Variants in KAT6B observed in about 807,000 individuals in gnomAD.
KAT6B encodes lysine acetyltransferase 6B, also known as histone acetyltransferase KAT6B.
KAT6B carries 10 observed loss-of-function variants against 187.5 expected under a neutral mutation model. The ratio of observed to expected loss-of-function variants is 0.05; its 90% CI spans 0.03 to 0.09. The LOEUF (loss-of-function observed/expected upper bound fraction) is 0.09. Among genes scored for constraint, KAT6B ranks in the 10% least tolerant of loss-of-function variants. The pLI is 1.00. For missense variants in KAT6B, 1,952 were observed against 2,558.9 expected (o/e 0.76, Z 5.12); for synonymous variants, 861 against 926.8 (o/e 0.93, Z 1.29).
At chr10:74,993,449 T>C (rs1843234431) in intron 13 of KAT6B, among the ~76,000 whole-genome samples, 1 of 152,216 alleles carries the variant, frequency 6.6e-6, no homozygotes, top group Admixed American at 6.5e-5. Context: ...TGAGAGTAAG[T>C]TGAAGATGTG....
chr10:74,951,191 A>ATGATCTTGGCT (rs1423732416), intron 3 of KAT6B, among the ~76,000 whole-genome samples: 1 of 150,702 alleles, frequency 6.6e-6, no homozygotes, highest in South Asian at 2.1e-4. Context: ...GTGCAGTGGC[A>ATGATCTTGGCT]TGATCTTGGC....
intron 3 of KAT6B, among the ~76,000 whole-genome samples, chr10:74,884,898 C>T (rs1845122045): frequency 6.6e-6 from 1 of 152,042 alleles, no homozygotes; most frequent in South Asian, 2.1e-4. Flanking sequence ...GCATTTGGAG[C>T]AGCGCTATCC....
chr10:74,949,911 C>A (rs1008812560), intron 3 of KAT6B, among the ~76,000 whole-genome samples: 4 of 152,160 alleles, frequency 2.6e-5, no homozygotes, highest in African/African-American at 9.7e-5. Flanking sequence ...GAACCCTCAT[C>A]CTGTGACAAG....
chr10:75,018,503 C>T (rs561349996), intron 13 of KAT6B, among the ~76,000 whole-genome samples: 8 of 152,224 alleles, frequency 5.3e-5, no homozygotes, highest in Non-Finnish European at 7.3e-5. Context: ...TGTGTGTGCA[C>T]CACTTCGGGG....
Position 75,022,126 on chromosome 10 carries a change from G to A in KAT6B, c.3267G>A (p.Glu1089=), listed in dbSNP as rs777744980. 8 of 1,605,286 alleles carry A rather than the reference G, an allele frequency of 5.0e-6. No homozygotes were observed. The highest frequency in any genetic ancestry group is 1.7e-5 in the Admixed American group (1 of 59,532). ...EEEEEEEEEE[E]DEEEEEEEEE... is the part of the protein sequence containing the mutation. Reference sequence around the variant, plus strand: ...AAGAAGAGGAGGAAGAAGAGGAAGAGGATGAAGAGGAGGAAGAAGAGGAAG... The same window carrying A: ...AAGAAGAGGAGGAAGAAGAGGAAGAAGATGAAGAGGAGGAAGAAGAGGAAG... Residue 1089 remains glutamate (E), a synonymous_variant, in exon 16 of 18, where the codon GAG becomes GAA. Transcript: ENST00000287239.
intron 12 of KAT6B, among the ~76,000 whole-genome samples, chr10:74,986,210 ACAATAACTCCTTTG>A (rs1430950765): frequency 6.6e-6 from 1 of 152,210 alleles, no homozygotes; most frequent in Non-Finnish European, 1.5e-5. Flanking sequence ...CTTCTAAGAA[ACAATAACTCCTTTG>A]CAATAAAGGA....
chr10:74,891,222 C>T (rs552171210), intron 3 of KAT6B, among the ~76,000 whole-genome samples: 2 of 152,358 alleles, frequency 1.3e-5, no homozygotes, highest in East Asian at 3.9e-4. Flanking sequence ...ATTGCCAGCT[C>T]GACCTTGATG....
At chr10:74,950,646 T>C (rs971894273) in intron 3 of KAT6B, among the ~76,000 whole-genome samples, 1 of 152,152 alleles carries the variant, frequency 6.6e-6, no homozygotes, top group Non-Finnish European at 1.5e-5. Context: ...AAATAAAGTC[T>C]AGTTCTTTAT....
At chr10:74,956,915 T>C (rs1840728733) in intron 3 of KAT6B, among the ~76,000 whole-genome samples, 1 of 152,172 alleles carries the variant, frequency 6.6e-6, no homozygotes, top group Non-Finnish European at 1.5e-5. Flanking sequence ...GTTGGGAAAA[T>C]GTGATCAACA....
chr10:74,876,078 C>T (rs1008753610), intron 3 of KAT6B, among the ~76,000 whole-genome samples: 2 of 152,124 alleles, frequency 1.3e-5, no homozygotes, highest in Non-Finnish European at 1.5e-5. Flanking sequence ...ATTAGTGGCT[C>T]TATACACAGA....
At chr10:75,008,871 T>G (rs991753611) in intron 13 of KAT6B, among the ~76,000 whole-genome samples, 1 of 152,232 alleles carries the variant, frequency 6.6e-6, no homozygotes, top group South Asian at 2.1e-4. Context: ...TTTCATAAAT[T>G]AAGCATAAAC....
chr10:74,903,189 G>A (rs1007198388), intron 3 of KAT6B, among the ~76,000 whole-genome samples: 5 of 152,090 alleles, frequency 3.3e-5, no homozygotes, highest in South Asian at 2.1e-4. Flanking sequence ...TTACCTTGTC[G>A]GATTGCCATG....
intron 1 of KAT6B, among the ~76,000 whole-genome samples, chr10:74,835,824 G>A (rs1320176086): frequency 6.6e-6 from 1 of 151,732 alleles, no homozygotes; most frequent in Non-Finnish European, 1.5e-5. Flanking sequence ...ACAATTTATT[G>A]AGGTGAAACT....
intron 3 of KAT6B, among the ~76,000 whole-genome samples, chr10:74,879,560 G>T (rs1030947382): frequency 6.6e-6 from 1 of 152,166 alleles, no homozygotes; most frequent in South Asian, 2.1e-4. Context: ...AGATCTTAGG[G>T]CTACTATATT....
intron 3 of KAT6B, among the ~76,000 whole-genome samples, chr10:74,912,614 C>G (rs1847327023): frequency 6.6e-6 from 1 of 152,192 alleles, no homozygotes; most frequent in Non-Finnish European, 1.5e-5. Context: ...ATCCCTCCCT[C>G]TTTCTTTAAC....
intron 3 of KAT6B, among the ~76,000 whole-genome samples, chr10:74,888,564 T>G (rs893402404): frequency 6.6e-6 from 1 of 152,206 alleles, no homozygotes; most frequent in Non-Finnish European, 1.5e-5. Flanking sequence ...TGGCAGAAAT[T>G]AAAGAGAATA....
chr10:74,858,515 C>T (rs1233414620), intron 3 of KAT6B, among the ~76,000 whole-genome samples: 1 of 152,008 alleles, frequency 6.6e-6, no homozygotes, highest in Non-Finnish European at 1.5e-5. Context: ...TTGGCTCAAG[C>T]AATCTACCCA....
chr10:74,836,626 T>G (rs987630747), intron 1 of KAT6B, among the ~76,000 whole-genome samples: 2 of 152,186 alleles, frequency 1.3e-5, no homozygotes, highest in African/African-American at 4.8e-5. Flanking sequence ...ATAAGAAATA[T>G]CACCATATGG....
chr10:74,928,824 G>A (rs1848667381), intron 3 of KAT6B, among the ~76,000 whole-genome samples: 1 of 152,184 alleles, frequency 6.6e-6, no homozygotes, highest in Admixed American at 6.5e-5. Context: ...CAACAGTAAA[G>A]TAACCCTGAA....
Sources: gnomAD v4.1 joint callset for allele counts (sites outside exome capture counted in the v4.1 genomes callset) on GRCh38, gnomAD v4.1.1 for gene constraint, MANE v1.5 for transcripts, NCBI Gene and HGNC (gene_info 2026-07-23, HGNC 2026-07-21) for gene names.